Variants in AKAP6 observed in about 807,000 individuals in gnomAD.
AKAP6 encodes A-kinase anchoring protein 6, also known as A-kinase anchor protein 6.
In AKAP6, 58 loss-of-function variants were observed where a neutral mutation model predicts 188.5. The observed-to-expected ratio is 0.31, with a 90% CI of 0.25 to 0.38. The LOEUF is 0.38. Ranked by LOEUF, AKAP6 falls within the 10% of genes least tolerant of loss-of-function variation. The pLI, the probability that AKAP6 is intolerant of heterozygous loss-of-function variation, is 1.00. For missense variants in AKAP6, 2,710 were observed against 2,740.0 expected (o/e 0.99, Z 0.24); for synonymous variants, 989 against 998.6 (o/e 0.99, Z 0.18).
At chr14:32,410,938 A>C (rs1278741700) in intron 1 of AKAP6, among the ~76,000 whole-genome samples, 1 of 152,204 alleles carries the variant, frequency 6.6e-6, no homozygotes, top group Non-Finnish European at 1.5e-5. Context: ...TTGTAAGTGC[A>C]TCTGTGCTCA....
At chr14:32,365,576 G>T (rs1020330804) in intron 1 of AKAP6, among the ~76,000 whole-genome samples, 1 of 152,148 alleles carries the variant, frequency 6.6e-6, no homozygotes, top group Middle Eastern at 3.4e-3. Context: ...GGCCCCCCAG[G>T]GACCCCATTC....
chr14:32,525,375 T>G (rs966703788), intron 2 of AKAP6, among the ~76,000 whole-genome samples: 1 of 152,212 alleles, frequency 6.6e-6, no homozygotes, highest in African/African-American at 2.4e-5. Context: ...TTTCAAAGCA[T>G]GGAAAGCAAA....
chr14:32,473,825 C>G (rs879567399), intron 2 of AKAP6: 7 of 152,278 alleles, frequency 4.6e-5, no homozygotes, highest in African/African-American at 7.2e-5. Flanking sequence ...TTAATAGTTA[C>G]ACTTCCTTGA....
At chr14:32,372,869 A>G (rs1048641803) in intron 1 of AKAP6, among the ~76,000 whole-genome samples, 3 of 151,742 alleles carry the variant, frequency 2.0e-5, no homozygotes, top group Non-Finnish European at 4.4e-5. Context: ...GCGAGCGAGC[A>G]TTATGGGATT....
intron 10 of AKAP6, among the ~76,000 whole-genome samples, chr14:32,735,213 GC>G (rs1566675390): frequency 6.6e-6 from 1 of 151,968 alleles, no homozygotes; most frequent in African/African-American, 2.4e-5. Flanking sequence ...TCTACTCTTG[GC>G]CTCTTTAGTA....
At chr14:32,369,102 CA>C (rs1184206660) in intron 1 of AKAP6, among the ~76,000 whole-genome samples, 1 of 152,054 alleles carries the variant, frequency 6.6e-6, no homozygotes, top group Admixed American at 6.6e-5. Context: ...GGGCACTCTT[CA>C]AATGTGGTTA....
intron 1 of AKAP6, among the ~76,000 whole-genome samples, chr14:32,332,557 A>C (rs935829200): frequency 6.6e-6 from 1 of 152,242 alleles, no homozygotes; most frequent in Non-Finnish European, 1.5e-5. Context: ...AATTGTGGGC[A>C]TGATGGAGTT....
chr14:32,381,144 C>T (rs1888343516), intron 1 of AKAP6, among the ~76,000 whole-genome samples: 1 of 152,016 alleles, frequency 6.6e-6, no homozygotes, highest in Non-Finnish European at 1.5e-5. Flanking sequence ...CGAGACCAGC[C>T]TGGGCAACAT....
At chr14:32,548,382 G>T (rs193117357) in intron 4 of AKAP6, among the ~76,000 whole-genome samples, 3 of 151,690 alleles carry the variant, frequency 2.0e-5, no homozygotes, top group Non-Finnish European at 4.4e-5. Context: ...GATTACAGGC[G>T]TGAGCCACTG....
Position 32,546,228 on chromosome 14 carries a change from G to A in AKAP6, c.1575G>A (p.Lys525=). 1 of 1,614,132 alleles carries A rather than the reference G, an allele frequency of 6.2e-7. No individual in the cohort carries two copies. Among genetic ancestry groups the A allele is most frequent in the Non-Finnish European group, 8.5e-7 (1 of 1,180,018 alleles). ...CAGGCAAACAAGCTAAAAATACAAA[G>A]AGCTCAGCAGTGCCAAATGGAGAGC... is the stretch of plus-strand genomic sequence containing the variant. ...TGSGKQAKNT[K]SSAVPNGELS... The change falls in exon 4 of 14, where the codon AAG becomes AAA. Residue 525 remains lysine, a synonymous_variant. Coordinates refer to ENST00000280979, the MANE Select transcript of AKAP6 (RefSeq NM_004274.5).
In AKAP6 at chr14:32,404,693, T is replaced by TAG. The variant is rs1555325852; in HGVS notation, c.-34-28766_-34-28765insGA. ...AGTGGGGTTATGAGGAGTCAGGAGA[T>TAG]ATATATATATATATATATTAGTCAG... On this transcript the variant is annotated intron_variant, in intron 1 of 13. Coordinates refer to ENST00000280979, the MANE Select transcript of AKAP6 (RefSeq NM_004274.5). 4.0e-3 allele frequency among the ~76,000 whole-genome samples: 470 copies of TAG among 118,192 alleles called. 31 individuals carry two copies. Among genetic ancestry groups the TAG allele is most frequent in the Non-Finnish European group, 4.9e-3 (271 of 54,814 alleles). The allele number at this position is 118,192 out of a possible 152,430, so 77.5% of individuals were successfully genotyped here. A position where few individuals can be genotyped will look rare whatever the true frequency, so the allele number is the denominator to read the frequency against.
At chr14:32,394,022 AATC>A (rs1190833200) in intron 1 of AKAP6, among the ~76,000 whole-genome samples, 1 of 152,180 alleles carries the variant, frequency 6.6e-6, no homozygotes, top group Non-Finnish European at 1.5e-5. Flanking sequence ...AATCAATAAT[AATC>A]ATCAAATGCT....
At chr14:32,391,565 G>A (rs1460194086) in intron 1 of AKAP6, among the ~76,000 whole-genome samples, 4 of 152,160 alleles carry the variant, frequency 2.6e-5, no homozygotes, top group African/African-American at 4.8e-5. Flanking sequence ...CAGCTCTGTG[G>A]TCCACCTGGA....
At chr14:32,409,341 A>G (rs1241796072) in intron 1 of AKAP6, among the ~76,000 whole-genome samples, 1 of 152,244 alleles carries the variant, frequency 6.6e-6, no homozygotes, top group East Asian at 1.9e-4. Flanking sequence ...TAGGGACTAC[A>G]GAACTACACA....
At chr14:32,712,037 C>T (rs2029895435) in intron 9 of AKAP6, among the ~76,000 whole-genome samples, 1 of 151,962 alleles carries the variant, frequency 6.6e-6, no homozygotes, top group Non-Finnish European at 1.5e-5. Flanking sequence ...CTTAATTTCA[C>T]AGGCTAAAAG....
intron 7 of AKAP6, among the ~76,000 whole-genome samples, chr14:32,663,976 A>G (rs1250663182): frequency 6.6e-6 from 1 of 152,096 alleles, no homozygotes; most frequent in Non-Finnish European, 1.5e-5. Flanking sequence ...CCTTTTTATA[A>G]TTAGTCTTTT....
Position 32,830,917 on chromosome 14 carries a change from A to G in AKAP6, c.*1112A>G, listed in dbSNP as rs906855007. On this transcript the variant is annotated 3_prime_UTR_variant, in exon 14 of 14. Coordinates refer to ENST00000280979, the MANE Select transcript of AKAP6 (RefSeq NM_004274.5). ...TCCAAACATATTCATATTGCTTAAGAGGCTTAACATTACCTAAACTAGAGA... is the reference window on the plus strand; with the variant it reads ...TCCAAACATATTCATATTGCTTAAGGGGCTTAACATTACCTAAACTAGAGA... 2.0e-5 allele frequency: 3 copies of G among 152,304 alleles called. No homozygotes were observed. Among genetic ancestry groups the G allele is most frequent in the African/African-American group, 7.2e-5 (3 of 41,452 alleles). The allele number at this position is 152,304 out of a possible 1,614,324, so 9.4% of individuals were successfully genotyped here.
chr14:32,822,444 G>A lies in AKAP6; in HGVS notation c.4631G>A (p.Gly1544Asp), dbSNP rs754072519. ...ATGGATCGCATTTCATATAAAAGTG[G>A]CAATATAGAAAAGACATTCACTGGC... ...HEMDRISYKS[G>D]NIEKTFTGMQ... Residue 1544 changes from glycine to aspartate, a missense_variant, in exon 13 of 14, where the codon GGC becomes GAC. Gly to Asp is a moderately conservative substitution (Grantham distance 94). This residue lies in a region of AKAP6 where 2,473 missense variants were observed against 2,426.1 expected (regional missense o/e 1.02). Transcript: ENST00000280979. 1.9e-6 allele frequency: 3 copies of A among 1,613,962 alleles called. No homozygotes were observed. The highest frequency in any genetic ancestry group is 1.7e-6 in the Non-Finnish European group (2 of 1,179,944).
rs28491706 is a variant in AKAP6 at position 32,340,418 on chromosome 14, T to G, written c.-35+11010T>G. The stretch of plus-strand genomic sequence containing the variant: ...TGGACTGGGAGTAAGGCACCTGAAT[T>G]TTTAGTCCCTGCTGACATACTCTTC... On this transcript the variant is annotated intron_variant, in intron 1 of 13. Coordinates refer to ENST00000280979, the MANE Select transcript of AKAP6 (RefSeq NM_004274.5). 1.1e-3 allele frequency among the ~76,000 whole-genome samples: 162 copies of G among 152,284 alleles called. 1 individual carries two copies. Among genetic ancestry groups the G allele is most frequent in the African/African-American group, 3.5e-3 (145 of 41,562 alleles).
Sources: allele counts gnomAD v4.1 joint callset (sites outside exome capture counted in the v4.1 genomes callset), GRCh38; gene constraint gnomAD v4.1.1; regional missense constraint gnomAD v4.1.1; transcripts MANE v1.5; gene names NCBI Gene and HGNC (gene_info 2026-07-23, HGNC 2026-07-21).